The following ANKFN1 variants were observed in gnomAD, a reference collection of about 807,000 sequenced individuals.
ANKFN1 encodes the protein ankyrin repeat and fibronectin type-III domain-containing protein 1.
In ANKFN1, 74 loss-of-function variants were observed where a neutral mutation model predicts 108.7. That is an observed-to-expected ratio of 0.68 (90% CI 0.56 to 0.83). The LOEUF (loss-of-function observed/expected upper bound fraction) is 0.83. ANKFN1 is among the 40% of genes least tolerant of loss of function. ANKFN1 has a pLI of 0.00. For synonymous variants in ANKFN1, 547 were observed against 516.2 expected, an observed-to-expected ratio of 1.06 and a Z score of -0.81; for missense variants, 1,505 against 1,382.3, an observed-to-expected ratio of 1.09 and a Z score of -1.41.
chr17:56,183,871 A>G (rs948301473), intron 1 of ANKFN1, among the ~76,000 whole-genome samples: 27 of 152,238 alleles, frequency 1.8e-4, no homozygotes, highest in African/African-American at 6.5e-4. Flanking sequence ...CATATGTGGT[A>G]CCAATATTAA....
intron 8 of ANKFN1, among the ~76,000 whole-genome samples, chr17:56,418,830 C>G (rs541083161): frequency 2.0e-5 from 3 of 151,434 alleles, no homozygotes; most frequent in Non-Finnish European, 4.4e-5. Flanking sequence ...CAAGAAACCA[C>G]AGAGAGTCCG....
chr17:56,293,941 A>G (rs76471933), intron 3 of ANKFN1, among the ~76,000 whole-genome samples: 5,424 of 152,146 alleles, frequency 0.036, 321 homozygotes, highest in African/African-American at 0.12. Flanking sequence ...TTAATAACCT[A>G]GGCATAAACG....
chr17:56,199,981 A>G (rs951260224), intron 1 of ANKFN1, among the ~76,000 whole-genome samples: 1 of 152,184 alleles, frequency 6.6e-6, no homozygotes, highest in Non-Finnish European at 1.5e-5. Flanking sequence ...ATTCTGCTAT[A>G]ATGATATGTT....
intron 18 of ANKFN1, among the ~76,000 whole-genome samples, chr17:56,484,097 T>C (rs916756494): frequency 6.6e-6 from 1 of 152,104 alleles, no homozygotes; most frequent in Non-Finnish European, 1.5e-5. Flanking sequence ...AAAACCTTTC[T>C]TGTTGGGGGA....
chr17:56,314,414 C>T (rs1009126464), intron 3 of ANKFN1, among the ~76,000 whole-genome samples: 1 of 152,222 alleles, frequency 6.6e-6, no homozygotes, highest in Non-Finnish European at 1.5e-5. Context: ...AGTTGCTCCA[C>T]AACCTCACCA....
intron 3 of ANKFN1, among the ~76,000 whole-genome samples, chr17:56,285,130 C>G (rs2044181728): frequency 6.6e-6 from 1 of 152,030 alleles, no homozygotes; most frequent in Non-Finnish European, 1.5e-5. Context: ...TAATCTGTTC[C>G]TCTCTCACAA....
Position 56,103,953 on chromosome 17 carries a change from G to A in ANKFN1, c.288+57628G>A, listed in dbSNP as rs145682800. On this transcript the variant is annotated intron_variant, in intron 4 of 12. Coordinates refer to the ANKFN1 transcript ENST00000635860. The stretch of plus-strand genomic sequence containing the variant: ...TGGGGAGGAAAGGAGGGATATTCTT[G>A]GCAAAGGAAATAGATTGGCTGTTTG... Among the ~76,000 whole-genome samples, 1,205 of 152,274 alleles carry A rather than the reference G, an allele frequency of 7.9e-3. 34 individuals are homozygous for A. Among genetic ancestry groups the A allele is most frequent in the Non-Finnish European group, 6.3e-3 (426 of 68,026 alleles).
intron 14 of ANKFN1, among the ~76,000 whole-genome samples, chr17:56,458,351 C>G (rs946230315): frequency 1.3e-5 from 2 of 152,080 alleles, no homozygotes. Context: ...TCTTGAAGGA[C>G]TGTTGCTGCT....
intron 8 of ANKFN1, among the ~76,000 whole-genome samples, chr17:56,431,147 C>A (rs935786819): frequency 3.3e-5 from 5 of 152,124 alleles, no homozygotes; most frequent in African/African-American, 4.8e-5. Context: ...ACCATCCAGA[C>A]CTTGTAGGCC....
At chr17:56,383,166 T>A (rs893929390) in intron 8 of ANKFN1, among the ~76,000 whole-genome samples, 2 of 152,050 alleles carry the variant, frequency 1.3e-5, no homozygotes, top group Non-Finnish European at 2.9e-5. Flanking sequence ...GAACTCAGGA[T>A]TAAGAAACTC....
intron 8 of ANKFN1, among the ~76,000 whole-genome samples, chr17:56,401,373 G>GTATTGTA (rs1567974215): frequency 0.059 from 1,390 of 23,642 alleles, 29 homozygotes; most frequent in African/African-American, 0.086. Flanking sequence ...ATTGTATTGT[G>GTATTGTA]TTGTGTTGTG....
intron 4 of ANKFN1, among the ~76,000 whole-genome samples, chr17:56,053,901 A>G (rs1462065454): frequency 6.6e-6 from 1 of 152,144 alleles, no homozygotes; most frequent in African/African-American, 2.4e-5. Context: ...TTGGAGTACA[A>G]GTGGTTGAGT....
rs561109727 is a variant in ANKFN1, at chr17:56,419,219, C to T, written c.911-21108C>T. Among the ~76,000 whole-genome samples, 374 of 152,278 alleles carry T rather than the reference C, an allele frequency of 2.5e-3. 1 individual carries two copies. The highest frequency in any genetic ancestry group is 4.2e-3 in the Non-Finnish European group (285 of 68,018). ...ATTTGGGGCCAGGTGCAGTGGCTCA[C>T]GCCTGTAATCCCAGCACTTTGGGAG... On this transcript the variant is annotated intron_variant, in intron 8 of 20. Transcript: ENST00000682825.
intron 14 of ANKFN1, among the ~76,000 whole-genome samples, chr17:56,465,302 A>T (rs1259333574): frequency 6.6e-6 from 1 of 152,172 alleles, no homozygotes. Flanking sequence ...TTATTTATGA[A>T]ATTCCTTATT....
At chr17:56,233,149 A>C (rs1362390425) in intron 3 of ANKFN1, among the ~76,000 whole-genome samples, 1 of 152,106 alleles carries the variant, frequency 6.6e-6, no homozygotes, top group Non-Finnish European at 1.5e-5. Context: ...TAGTAGTAAT[A>C]GTTGTATTGT....
intron 8 of ANKFN1, among the ~76,000 whole-genome samples, chr17:56,381,168 AGGCAGACAG>A (rs2047091946): frequency 6.6e-6 from 1 of 152,232 alleles, no homozygotes; most frequent in South Asian, 2.1e-4. Context: ...GCTGATACCC[AGGCAGACAG>A]GGTCTGGAGT....
At chr17:56,185,504 G>T (rs561297034) in intron 1 of ANKFN1, among the ~76,000 whole-genome samples, 1 of 152,120 alleles carries the variant, frequency 6.6e-6, no homozygotes, top group East Asian at 1.9e-4. Context: ...TCAGAGCAGG[G>T]CTGGTTGTTC....
intron 4 of ANKFN1, among the ~76,000 whole-genome samples, chr17:56,141,267 C>A (rs371323693): frequency 6.6e-6 from 1 of 152,188 alleles, no homozygotes; most frequent in Admixed American, 6.5e-5. Context: ...CTTGCCAGTA[C>A]AATTCCGCAG....
intron 8 of ANKFN1, among the ~76,000 whole-genome samples, chr17:56,424,182 C>T (rs964071777): frequency 2.6e-5 from 4 of 152,188 alleles, no homozygotes; most frequent in African/African-American, 7.2e-5. Context: ...CTTTACCCTT[C>T]ATCATGGACC....
Sources: gnomAD v4.1 joint callset for allele counts (sites outside exome capture counted in the v4.1 genomes callset) on GRCh38, gnomAD v4.1.1 for gene constraint, MANE v1.5 for transcripts, NCBI Gene and HGNC (gene_info 2026-07-23, HGNC 2026-07-21) for gene names.